Variants in SLCO3A1 observed in about 807,000 individuals in gnomAD.
SLCO3A1 encodes the protein PGE1 transporter.
In SLCO3A1, 27 loss-of-function variants were observed where a neutral mutation model predicts 63.1. The ratio of observed to expected loss-of-function variants is 0.43; its 90% CI spans 0.32 to 0.59. The LOEUF (loss-of-function observed/expected upper bound fraction) is 0.59. Ranked by LOEUF, SLCO3A1 falls within the 20% of genes least tolerant of loss-of-function variation. The pLI is 0.09. For missense variants in SLCO3A1, 773 were observed against 945.8 expected, an observed-to-expected ratio of 0.82 and a Z score of 2.40; for synonymous variants, 473 against 409.9, an observed-to-expected ratio of 1.15 and a Z score of -1.86.
At chr15:91,904,422 C>CA (rs200776953) in intron 1 of SLCO3A1, among the ~76,000 whole-genome samples, 9,814 of 152,226 alleles carry the variant, frequency 0.064, 430 homozygotes, top group Non-Finnish European at 0.098. Flanking sequence ...GTGCGTGATA[C>CA]ATTGCAAATT....
chr15:92,056,134 G>A (rs1386683624), intron 2 of SLCO3A1, among the ~76,000 whole-genome samples: 1 of 152,080 alleles, frequency 6.6e-6, no homozygotes, highest in Non-Finnish European at 1.5e-5. Context: ...GGGGCTTGCA[G>A]GGGGGACTTG....
chr15:91,857,758 G>T lies in SLCO3A1; in HGVS notation c.180+3670G>T, dbSNP rs1415471490. The stretch of plus-strand genomic sequence containing the variant: ...TGTGGTATCAAATTACTGAGGACTG[G>T]AGTAGATAAGGGTGTGTACAGGAAA... On this transcript the variant is annotated intron_variant, in intron 1 of 9. Transcript: ENST00000318445. 2.0e-5 allele frequency among the ~76,000 whole-genome samples: 3 copies of T among 152,098 alleles called. No homozygotes were observed. In the East Asian group the frequency reaches 5.8e-4, roughly 29 times the overall value.
At chr15:92,007,565 T>C (rs1310154038) in intron 2 of SLCO3A1, among the ~76,000 whole-genome samples, 1 of 152,148 alleles carries the variant, frequency 6.6e-6, no homozygotes, top group African/African-American at 2.4e-5. Flanking sequence ...TTGGGTTGTA[T>C]GTACTAGAAT....
At chr15:91,918,735 T>C (rs559983875) in intron 2 of SLCO3A1, among the ~76,000 whole-genome samples, 1 of 127,556 alleles carries the variant, frequency 7.8e-6, no homozygotes, top group East Asian at 1.9e-4. Flanking sequence ...CACTTAACTT[T>C]ACTTCACAGT....
chr15:92,169,316 A>G (rs1239173624), downstream of SLCO3A1, among the ~76,000 whole-genome samples: 3 of 152,212 alleles, frequency 2.0e-5, no homozygotes, highest in Admixed American at 1.3e-4. Context: ...TTATTCCCAG[A>G]CAGACCCATA....
chr15:92,018,409 A>G (rs1266360957), intron 2 of SLCO3A1, among the ~76,000 whole-genome samples: 1 of 152,124 alleles, frequency 6.6e-6, no homozygotes, highest in African/African-American at 2.4e-5. Context: ...CCTCCACAGA[A>G]CATGGTGCTC....
chr15:91,876,697 G>T (rs1020855740), intron 1 of SLCO3A1, among the ~76,000 whole-genome samples: 1 of 152,198 alleles, frequency 6.6e-6, no homozygotes, highest in African/African-American at 2.4e-5. Flanking sequence ...CTCTCAACTG[G>T]AACTGTTCTC....
chr15:92,011,109 C>G (rs1415142092), intron 2 of SLCO3A1, among the ~76,000 whole-genome samples: 1 of 152,240 alleles, frequency 6.6e-6, no homozygotes, highest in Admixed American at 6.5e-5. Context: ...CTCCTCTTCT[C>G]TCACTGGCTA....
chr15:92,169,275 G>C (rs2048509044), downstream of SLCO3A1, among the ~76,000 whole-genome samples: 1 of 152,170 alleles, frequency 6.6e-6, no homozygotes, highest in East Asian at 1.9e-4. Flanking sequence ...CCAGGTCTGT[G>C]AAAAAGCTTT....
chr15:91,896,593 ATCT>A (rs1349124065), intron 1 of SLCO3A1, among the ~76,000 whole-genome samples: 2 of 152,114 alleles, frequency 1.3e-5, no homozygotes, highest in African/African-American at 4.8e-5. Flanking sequence ...TAAAGGGCAA[ATCT>A]TCTGTGCACA....
In SLCO3A1 at chr15:91,898,603, A is replaced by G. The variant is rs139339742; in HGVS notation, c.181-17390A>G. On this transcript the variant is annotated intron_variant, in intron 1 of 9. Transcript: ENST00000318445. ...AATTTAACATTTCGATCCGCAAGATACTAACATCATCCTCAGTGGGTTGAC... is the reference window on the plus strand; with the variant it reads ...AATTTAACATTTCGATCCGCAAGATGCTAACATCATCCTCAGTGGGTTGAC... 3.5e-3 allele frequency among the ~76,000 whole-genome samples: 539 copies of G among 152,254 alleles called. 2 individuals carry two copies. The highest frequency in any genetic ancestry group is 0.012 in the African/African-American group (506 of 41,540).
At chr15:92,074,920 T>A (rs1036716231) in intron 2 of SLCO3A1, among the ~76,000 whole-genome samples, 3 of 152,190 alleles carry the variant, frequency 2.0e-5, no homozygotes, top group Non-Finnish European at 4.4e-5. Flanking sequence ...TGAGGTGGAT[T>A]CCGGGTCCTC....
intron 7 of SLCO3A1, among the ~76,000 whole-genome samples, chr15:92,136,553 A>G (rs1328355540): frequency 6.6e-6 from 1 of 152,226 alleles, no homozygotes; most frequent in Non-Finnish European, 1.5e-5. Context: ...TGTGAATAGA[A>G]ACATTTCTCA....
At chr15:91,990,754 G>A (rs1163939590) in intron 2 of SLCO3A1, among the ~76,000 whole-genome samples, 3 of 151,914 alleles carry the variant, frequency 2.0e-5, no homozygotes, top group Middle Eastern at 3.2e-3. Context: ...CCTTCCTGAC[G>A]CATTTGCTGT....
At chr15:91,881,835 ACTT>A (rs1897596600) in intron 1 of SLCO3A1, among the ~76,000 whole-genome samples, 1 of 152,100 alleles carries the variant, frequency 6.6e-6, no homozygotes, top group Non-Finnish European at 1.5e-5. Context: ...AAGCAGCATG[ACTT>A]CTTTGCCTGG....
intron 2 of SLCO3A1, among the ~76,000 whole-genome samples, chr15:92,022,874 G>C (rs149031853): frequency 1.8e-3 from 273 of 152,180 alleles, no homozygotes; most frequent in African/African-American, 5.6e-3. Flanking sequence ...TGGGAAGCCT[G>C]CAGTGCTACC....
intron 7 of SLCO3A1, among the ~76,000 whole-genome samples, chr15:92,129,438 A>G (rs1019241050): frequency 2.6e-5 from 4 of 152,010 alleles, no homozygotes; most frequent in East Asian, 1.9e-4. Flanking sequence ...GCCTCCTCCA[A>G]TGTCCCCTCC....
intron 2 of SLCO3A1, among the ~76,000 whole-genome samples, chr15:91,920,874 G>A (rs1898820514): frequency 1.3e-5 from 2 of 152,154 alleles, no homozygotes; most frequent in Non-Finnish European, 2.9e-5. Flanking sequence ...GGTATCTAAA[G>A]CTTAGTTAGC....
intron 2 of SLCO3A1, among the ~76,000 whole-genome samples, chr15:92,076,805 G>A (rs2047282977): frequency 6.6e-6 from 1 of 152,202 alleles, no homozygotes; most frequent in African/African-American, 2.4e-5. Flanking sequence ...GCCTGTGAGG[G>A]TTTAAAATAG....
Sources: allele counts gnomAD v4.1 joint callset (sites outside exome capture counted in the v4.1 genomes callset), GRCh38; gene constraint gnomAD v4.1.1; transcripts MANE v1.5; gene names NCBI Gene and HGNC (gene_info 2026-07-23, HGNC 2026-07-21).